WDR70: variants seen among roughly 807,000 people sequenced by gnomAD.
WDR70 encodes WD repeat domain 70, also known as WD repeat-containing protein 70.
In WDR70, 53 loss-of-function variants were observed where a neutral mutation model predicts 88.6. The ratio of observed to expected loss-of-function variants is 0.60; its 90% CI spans 0.48 to 0.75. The LOEUF (loss-of-function observed/expected upper bound fraction) is 0.75, where lower values mean the gene tolerates loss of function less well. Ranked by LOEUF, WDR70 falls within the 30% of genes least tolerant of loss-of-function variation. The probability of loss-of-function intolerance (pLI) is 0.00; values close to 1 mark genes in which losing one functional copy is unlikely to be tolerated. For missense variants in WDR70, 610 were observed against 823.2 expected, an observed-to-expected ratio of 0.74 and a Z score of 3.17; for synonymous variants, 280 against 270.0, an observed-to-expected ratio of 1.04 and a Z score of -0.36.
At chr5:37,469,673 T>C (rs1354250874) in intron 7 of WDR70, among the ~76,000 whole-genome samples, 1 of 152,212 alleles carries the variant, frequency 6.6e-6, no homozygotes, top group Non-Finnish European at 1.5e-5. Context: ...TTGCTGTAGT[T>C]ACTCTTTGCG....
intron 10 of WDR70, among the ~76,000 whole-genome samples, chr5:37,611,444 G>A (rs753678807): frequency 1.3e-4 from 20 of 151,746 alleles, no homozygotes; most frequent in Non-Finnish European, 2.6e-4. Flanking sequence ...TTATGATAGC[G>A]TGCTCTTAAT....
chr5:37,724,014 T>A (rs972572102), intron 15 of WDR70: 3 of 152,118 alleles, frequency 2.0e-5, no homozygotes, highest in African/African-American at 7.2e-5. Flanking sequence ...GGTTTTGAGG[T>A]GTTATAGACA....
chr5:37,413,758 A>G (rs1200245254), intron 5 of WDR70, among the ~76,000 whole-genome samples: 1 of 150,838 alleles, frequency 6.6e-6, no homozygotes, highest in Non-Finnish European at 1.5e-5. Context: ...TGGGAATTTT[A>G]AGGATAGCTT....
chr5:37,501,982 A>G (rs1740417507), intron 8 of WDR70, among the ~76,000 whole-genome samples: 1 of 152,040 alleles, frequency 6.6e-6, no homozygotes, highest in Non-Finnish European at 1.5e-5. Flanking sequence ...TGATGTTGGT[A>G]TTTTGATAGG....
intron 9 of WDR70, among the ~76,000 whole-genome samples, chr5:37,601,207 C>T (rs1256643239): frequency 6.6e-6 from 1 of 152,156 alleles, no homozygotes; most frequent in East Asian, 1.9e-4. Context: ...CCTGCTACAC[C>T]TATTTTGTTG....
At chr5:37,390,809 C>T (rs145229151) in intron 3 of WDR70, among the ~76,000 whole-genome samples, 6,800 of 150,296 alleles carry the variant, frequency 0.045, 525 homozygotes, top group African/African-American at 0.16. Context: ...CTCCACCTCT[C>T]GGGTTCAAGC....
At chr5:37,452,593 T>A (rs1353752142) in intron 7 of WDR70, among the ~76,000 whole-genome samples, 1 of 152,194 alleles carries the variant, frequency 6.6e-6, no homozygotes, top group African/African-American at 2.4e-5. Flanking sequence ...ACCTTTTAAA[T>A]TACGTTTTTC....
At chr5:37,476,313 A>T (rs1288937893) in intron 7 of WDR70, among the ~76,000 whole-genome samples, 2 of 152,198 alleles carry the variant, frequency 1.3e-5, no homozygotes, top group Non-Finnish European at 2.9e-5. Flanking sequence ...TTGGATCATT[A>T]ACTACATGTA....
chr5:37,447,081 T>A (rs1461907413), intron 7 of WDR70, among the ~76,000 whole-genome samples: 2 of 151,908 alleles, frequency 1.3e-5, no homozygotes, highest in African/African-American at 2.4e-5. Context: ...AAAGAACTCT[T>A]AACAAATTTA....
At position 37,738,029 on chromosome 5, in the gene WDR70, T is replaced by A. The variant is rs1225362903; in HGVS notation, c.1877+10984T>A. 1.4e-4 allele frequency among the ~76,000 whole-genome samples: 20 copies of A among 142,216 alleles called. No individual in the cohort carries two copies. In the South Asian group the frequency reaches 2.9e-3, roughly 20 times the overall value. 93.3% of individuals were successfully genotyped at this position (142,216 alleles called of 152,430 possible). A position where few individuals can be genotyped will look rare whatever the true frequency, so the allele number is the denominator to read the frequency against. ...CTTGTTGCCTAGTGTGCCTAATATTTAAAAAAAAAAAAAACAAACAAAAAA... is the reference window on the plus strand; with the variant it reads ...CTTGTTGCCTAGTGTGCCTAATATTAAAAAAAAAAAAAAACAAACAAAAAA... On this transcript the variant is annotated intron_variant, in intron 17 of 17. Coordinates refer to ENST00000265107, the MANE Select transcript of WDR70 (RefSeq NM_018034.4).
chr5:37,652,514 T>C (rs1745437670), intron 10 of WDR70, among the ~76,000 whole-genome samples: 1 of 152,238 alleles, frequency 6.6e-6, no homozygotes, highest in South Asian at 2.1e-4. Context: ...GCATTGAATC[T>C]ATAAATTACC....
intron 10 of WDR70, among the ~76,000 whole-genome samples, chr5:37,642,964 T>G (rs1203758315): frequency 2.6e-5 from 4 of 152,130 alleles, no homozygotes; most frequent in Non-Finnish European, 5.9e-5. Flanking sequence ...TTGATTGTTT[T>G]CTTTGCTTTG....
chr5:37,670,759 G>A (rs1426278701), intron 10 of WDR70, among the ~76,000 whole-genome samples: 3 of 152,116 alleles, frequency 2.0e-5, no homozygotes, highest in Non-Finnish European at 1.5e-5. Flanking sequence ...ATATTAATTT[G>A]AATGTCACAA....
chr5:37,607,542 C>T (rs988655912), intron 10 of WDR70, among the ~76,000 whole-genome samples: 4 of 152,074 alleles, frequency 2.6e-5, no homozygotes, highest in Admixed American at 1.3e-4. Flanking sequence ...TTCTCAAGAC[C>T]TACGTTTACT....
At chr5:37,675,948 A>C (rs1042933769) in intron 10 of WDR70, among the ~76,000 whole-genome samples, 24 of 151,900 alleles carry the variant, frequency 1.6e-4, no homozygotes, top group Non-Finnish European at 2.8e-4. Context: ...GAGGTCCTTC[A>C]CGTCCCTTGT....
chr5:37,432,887 G>A (rs1750354172), intron 5 of WDR70, among the ~76,000 whole-genome samples: 1 of 152,096 alleles, frequency 6.6e-6, no homozygotes, highest in East Asian at 1.9e-4. Context: ...AAATGAGGTG[G>A]TTTGTTTTTT....
At chr5:37,579,106 G>T (rs1327682394) in intron 9 of WDR70, among the ~76,000 whole-genome samples, 1 of 152,228 alleles carries the variant, frequency 6.6e-6, no homozygotes, top group Non-Finnish European at 1.5e-5. Context: ...AATCGCTTCA[G>T]AAGGTTGTGG....
intron 10 of WDR70, among the ~76,000 whole-genome samples, chr5:37,667,365 A>G (rs1012240307): frequency 2.6e-5 from 4 of 152,122 alleles, no homozygotes; most frequent in African/African-American, 9.7e-5. Flanking sequence ...TGGAAAATGT[A>G]TGTTTTACTG....
At chr5:37,535,543 A>G (rs993758720) in intron 9 of WDR70, among the ~76,000 whole-genome samples, 3 of 152,306 alleles carry the variant, frequency 2.0e-5, no homozygotes, top group South Asian at 4.1e-4. Flanking sequence ...TTTAAAATTA[A>G]ATTAAAATTT....
Sources: gnomAD v4.1 joint callset for allele counts (sites outside exome capture counted in the v4.1 genomes callset) on GRCh38, gnomAD v4.1.1 for gene constraint, MANE v1.5 for transcripts, NCBI Gene and HGNC (gene_info 2026-07-23, HGNC 2026-07-21) for gene names.